ITPR3: variants seen among roughly 807,000 people sequenced by gnomAD.
ITPR3 encodes the protein inositol 1,4,5-trisphosphate-gated calcium channel ITPR3.
In ITPR3, 173 loss-of-function variants were observed where a neutral mutation model predicts 293.2. The observed-to-expected ratio is 0.59, with a 90% CI of 0.52 to 0.67. ITPR3 has a LOEUF of 0.67. Among genes scored for constraint, ITPR3 ranks in the 30% least tolerant of loss-of-function variants. The pLI is 0.00. For synonymous variants in ITPR3, 1,295 were observed against 1,444.4 expected (o/e 0.90, Z 2.35); for missense variants, 2,796 against 3,592.1 (o/e 0.78, Z 5.66).
chr6:33,670,952 A>G lies in ITPR3; in HGVS notation c.2586+137A>G. On this transcript the variant is annotated intron_variant, in intron 20 of 57. Coordinates refer to ENST00000605930, the MANE Select transcript of ITPR3 (RefSeq NM_002224.4). The surrounding 1 kb of genome is among the most constrained non-coding windows in gnomAD (Gnocchi z 6.7). ...CTGTGTCCCCAGCCAGTGCAGGGGG[A>G]CCGCATAGAAGGCTGGGATTCTCCA... 2 of 1,312,896 alleles carry G rather than the reference A, an allele frequency of 1.5e-6. No individual in the cohort carries two copies. The highest frequency in any genetic ancestry group is 1.4e-5 in the South Asian group (1 of 72,924). The allele number at this position is 1,312,896 out of a possible 1,614,324, so 81.3% of individuals were successfully genotyped here.
At position 33,670,819 on chromosome 6, in the gene ITPR3, G is replaced by A; in HGVS notation, c.2586+4G>A. 6.2e-7 allele frequency: 1 copy of A among 1,613,056 alleles called. No homozygotes were observed. The highest frequency in any genetic ancestry group is 1.1e-5 in the South Asian group (1 of 91,074). ...GAAGAACAAGCTCACTTTTGAGGTG[G>A]CTGGGGGAGTGCCCAGGGGCTGGGG... On this transcript the variant is annotated splice_donor_region_variant and intron_variant, in intron 20 of 57. Transcript: ENST00000605930. This position sits in a 1 kb window ranked among gnomAD's most constrained non-coding sequence, Gnocchi z 6.7.
chr6:33,665,703 G>A, intron 13 of ITPR3, 132 bp from the exon 14 acceptor site: 1 of 960,978 alleles, frequency 1.0e-6, no homozygotes, highest in Non-Finnish European at 1.6e-6. Flanking sequence ...TGTAGGCTGA[G>A]GATGGGTTTT....
In ITPR3 at chr6:33,695,905, A is replaced by T. The variant is rs990575744; in HGVS notation, c.*125A>T. 1 of 844,926 alleles carries T rather than the reference A, an allele frequency of 1.2e-6. No individual in the cohort carries two copies. The highest frequency in any genetic ancestry group is 1.9e-6 in the Non-Finnish European group (1 of 519,204). 52.3% of individuals were successfully genotyped at this position (844,926 alleles called of 1,614,324 possible). A position where few individuals can be genotyped will look rare whatever the true frequency, so the allele number is the denominator to read the frequency against. On this transcript the variant is annotated 3_prime_UTR_variant, in exon 58 of 58. Transcript: ENST00000605930. ...GGCCAGCCTCCACTCCCACTCTGCC[A>T]GACACCCTGACACCCACCCAGGCTT...
chr6:33,653,914 C>T (rs1370812575), intron 2 of ITPR3, among the ~76,000 whole-genome samples: 2 of 152,172 alleles, frequency 1.3e-5, no homozygotes, highest in East Asian at 3.9e-4. Context: ...GGAGTGCCAA[C>T]CCAGCCTGAA....
intron 33 of ITPR3, among the ~76,000 whole-genome samples, chr6:33,681,437 C>A (rs993629928): frequency 2.6e-5 from 4 of 152,178 alleles, no homozygotes; most frequent in African/African-American, 9.7e-5. Flanking sequence ...CTTCTGAAGG[C>A]CTAAGCAGAA....
Position 33,676,790 on chromosome 6 carries a change from A to T in ITPR3, c.3305A>T (p.Gln1102Leu). 9.3e-6 allele frequency: 15 copies of T among 1,614,210 alleles called. No homozygotes were observed. The highest frequency in any genetic ancestry group is 1.3e-5 in the Non-Finnish European group (15 of 1,180,014). Residue 1102 changes from glutamine to leucine, a missense_variant, in exon 26 of 58, where the codon CAG (glutamine) becomes CTG (leucine). Transcript: ENST00000605930. ...FKQVQLLISA[Q>L]DVENYKVIKS... ...CAGGTTCAGCTGCTGATCTCAGCGC[A>T]GGACGTGGAGAACTACAAGGTGATC...
chr6:33,693,614 T>C lies in ITPR3; in HGVS notation c.7694T>C (p.Met2565Thr). ...FEEHIKLEHN[M>T]WNYLYFIVLV... The stretch of plus-strand genomic sequence containing the variant: ...GAACACATCAAGCTGGAGCACAACA[T>C]GTGGAACTACTTGTACTTCATTGTG... The change falls in exon 56 of 58, where the codon ATG becomes ACG. Residue 2565 changes from methionine to threonine, a missense_variant. Coordinates refer to ENST00000605930, the MANE Select transcript of ITPR3 (RefSeq NM_002224.4). The C allele has an allele frequency of 4.3e-6, 7 of 1,614,176 alleles. No individual in the cohort carries two copies. Among genetic ancestry groups the C allele is most frequent in the Non-Finnish European group, 5.9e-6 (7 of 1,180,020 alleles).
At chr6:33,649,023 C>T (rs1280817018) in intron 2 of ITPR3, among the ~76,000 whole-genome samples, 1 of 152,154 alleles carries the variant, frequency 6.6e-6, no homozygotes, top group Non-Finnish European at 1.5e-5. Context: ...CTGCCTCAGC[C>T]TCCTGAGTAG....
intron 9 of ITPR3, among the ~76,000 whole-genome samples, 199 bp downstream of exon 9, chr6:33,663,205 A>G (rs1240571892): frequency 1.3e-5 from 2 of 152,242 alleles, no homozygotes; most frequent in Non-Finnish European, 2.9e-5. Context: ...TGCTCCTACT[A>G]TGTGCCAGGC....
rs571330881 is a variant in ITPR3 at position 33,658,469 on chromosome 6, G to C, written c.370-201G>C. Reference sequence around the variant, plus strand: ...TTCTTGTGATCACCAGGGTGTCCATGGGGGTGTGCCTGTTGTGTGCACGTT... The same window carrying C: ...TTCTTGTGATCACCAGGGTGTCCATCGGGGTGTGCCTGTTGTGTGCACGTT... On this transcript the variant is annotated intron_variant, in intron 4 of 57. Coordinates refer to ENST00000605930, the MANE Select transcript of ITPR3 (RefSeq NM_002224.4). The surrounding 1 kb of genome is among the most constrained non-coding windows in gnomAD (Gnocchi z 6.1). Among the ~76,000 whole-genome samples, 1 of 152,306 alleles carries C rather than the reference G, an allele frequency of 6.6e-6. No individual in the cohort carries two copies. Among genetic ancestry groups the C allele is most frequent in the East Asian group, 1.9e-4 (1 of 5,186 alleles).
intron 39 of ITPR3, 45 bp from the exon 40 acceptor site, chr6:33,685,314 A>G: frequency 6.4e-7 from 1 of 1,553,188 alleles, no homozygotes; most frequent in Non-Finnish European, 8.8e-7. Flanking sequence ...GAGTAGGAGC[A>G]GGGCCCAGTG....
In ITPR3 at chr6:33,691,089, T is replaced by TGCC. The variant is rs999423855; in HGVS notation, c.7206_7208dup (p.Pro2403dup). ...GACTTCATTCTCGAGGTCGACCGGC[T>TGCC]GCCCAACAACCACTCCACAGGTCTT... On this transcript the variant is annotated inframe_insertion, in exon 52 of 58. Coordinates refer to ENST00000605930, the MANE Select transcript of ITPR3 (RefSeq NM_002224.4). This position sits in a 1 kb window ranked among gnomAD's most constrained non-coding sequence, Gnocchi z 4.9. 1 of 1,614,192 alleles carries TGCC rather than the reference T, an allele frequency of 6.2e-7. No individual in the cohort carries two copies. Among genetic ancestry groups the TGCC allele is most frequent in the African/African-American group, 1.3e-5 (1 of 75,042 alleles).
At chr6:33,663,705 G>T (rs757074577) in intron 10 of ITPR3, 33 bp from the exon 11 acceptor site, 53 of 1,611,918 alleles carry the variant, frequency 3.3e-5, no homozygotes, top group African/African-American at 2.1e-4. Context: ...AGAAGAGGGA[G>T]GGCCTTCTAC....
intron 57 of ITPR3, chr6:33,695,337 TCCCCTTCCTCTGACAGCTGCCAGGTA>T (rs1357171012): frequency 4.6e-5 from 26 of 565,758 alleles, no homozygotes; most frequent in Non-Finnish European, 8.1e-5. Context: ...CTGTCTCTCA[TCCCCTTCCTCTGACAGCTGCCAGGTA>T]GGTCCTTTGA....
chr6:33,644,189 CAG>C (rs34116473), intron 2 of ITPR3, among the ~76,000 whole-genome samples: 47,022 of 151,746 alleles, frequency 0.31, 7,728 homozygotes, highest in East Asian at 0.46. Flanking sequence ...GACTCTGTCT[CAG>C]GGGAAAAAAA....
intron 1 of ITPR3, among the ~76,000 whole-genome samples, chr6:33,630,114 C>T (rs1441602402): frequency 6.6e-6 from 1 of 152,128 alleles, no homozygotes; most frequent in African/African-American, 2.4e-5. Context: ...CATCGAGATC[C>T]TGTCAAGGTA....
At position 33,638,434 on chromosome 6, in the gene ITPR3, C is replaced by T. The variant is rs1763874320; in HGVS notation, c.90-2050C>T. ...GAACCCTCAAATTACACGGTTATTC[C>T]CCGGCAGCCCCATCCTCAGGGGCTT... On this transcript the variant is annotated intron_variant, in intron 1 of 57. Coordinates refer to ENST00000605930, the MANE Select transcript of ITPR3 (RefSeq NM_002224.4). The surrounding 1 kb of genome is among the most constrained non-coding windows in gnomAD (Gnocchi z 4.3). Among the ~76,000 whole-genome samples, 1 of 152,188 alleles carries T rather than the reference C, an allele frequency of 6.6e-6. No homozygotes were observed. Among genetic ancestry groups the T allele is most frequent in the Admixed American group, 6.5e-5 (1 of 15,278 alleles).
chr6:33,667,277 A>G lies in ITPR3; in HGVS notation c.1700A>G (p.Tyr567Cys). The change falls in exon 15 of 58, where the codon TAC becomes TGC. Residue 567 changes from tyrosine (Y) to cysteine (C), a missense_variant. Tyr to Cys is a radical substitution (Grantham distance 194). Coordinates refer to ENST00000605930, the MANE Select transcript of ITPR3 (RefSeq NM_002224.4). This position sits in a 1 kb window ranked among gnomAD's most constrained non-coding sequence, Gnocchi z 4.4. ...YRVLRHSQEDYRKNQEHIAKQ... is the reference protein window; with the variant it reads ...YRVLRHSQEDCRKNQEHIAKQ... The stretch of plus-strand genomic sequence containing the variant: ...GTGTTGCGGCATTCCCAGGAGGACT[A>G]CCGCAAGAACCAGGTGCGCCGCTGC... 6.2e-7 allele frequency: 1 copy of G among 1,612,240 alleles called. No homozygotes were observed. Among genetic ancestry groups the G allele is most frequent in the Non-Finnish European group, 8.5e-7 (1 of 1,179,700 alleles).
chr6:33,688,328 C>A lies in ITPR3; in HGVS notation c.6465C>A (p.Leu2155=), dbSNP rs1358167408. The A allele has an allele frequency of 6.2e-7, 1 of 1,614,136 alleles. No individual in the cohort carries two copies. Among genetic ancestry groups the A allele is most frequent in the Non-Finnish European group, 8.5e-7 (1 of 1,180,022 alleles). ...QFLTEETKHR[L]FTTTEQDEQG... ...TGACGGAGGAAACCAAGCACCGGCT[C>A]TTCACCACTACTGAGCAGGACGAGC... Residue 2155 remains leucine (L), a synonymous_variant, in exon 48 of 58, where the codon CTC becomes CTA. Transcript: ENST00000605930.
Sources: gnomAD v4.1 joint callset for allele counts (sites outside exome capture counted in the v4.1 genomes callset) on GRCh38, gnomAD v4.1.1 for gene constraint, Gnocchi (gnomAD v3.1) non-coding constraint, MANE v1.5 for transcripts, NCBI Gene and HGNC (gene_info 2026-07-23, HGNC 2026-07-21) for gene names.